Variants in AUTS2 observed in about 807,000 individuals in gnomAD.
AUTS2 encodes the protein activator of transcription and developmental regulator AUTS2.
In AUTS2, 17 loss-of-function variants were observed where a neutral mutation model predicts 112.4. That is an observed-to-expected ratio of 0.15 (90% confidence interval 0.10 to 0.23). The LOEUF is 0.23. AUTS2 is among the 10% of genes least tolerant of loss of function. The probability of loss-of-function intolerance (pLI) is 1.00; values close to 1 mark genes in which losing one functional copy is unlikely to be tolerated. For synonymous variants in AUTS2, 751 were observed against 702.7 expected (o/e 1.07, Z -1.09); for missense variants, 1,510 against 1,701.6 (o/e 0.89, Z 1.98).
chr7:69,855,172 G>A (rs527872313), intron 1 of AUTS2, among the ~76,000 whole-genome samples: 26 of 152,316 alleles, frequency 1.7e-4, no homozygotes, highest in Admixed American at 2.0e-4. Flanking sequence ...CACAATGTAC[G>A]TGATGGACCT....
At chr7:70,491,921 G>C (rs1798264662) in intron 5 of AUTS2, among the ~76,000 whole-genome samples, 1 of 152,060 alleles carries the variant, frequency 6.6e-6, no homozygotes, top group Non-Finnish European at 1.5e-5. Flanking sequence ...GGCCAAATGA[G>C]TTAGTATATT....
intron 4 of AUTS2, among the ~76,000 whole-genome samples, chr7:70,152,247 G>A (rs977519206): frequency 7.2e-5 from 11 of 152,082 alleles, no homozygotes; most frequent in Admixed American, 7.2e-4. Context: ...AGAGGAGGGT[G>A]AGAGGACAAA....
chr7:69,905,717 A>G (rs554852716), intron 2 of AUTS2, among the ~76,000 whole-genome samples: 1 of 152,108 alleles, frequency 6.6e-6, no homozygotes, highest in Non-Finnish European at 1.5e-5. Context: ...ACCCTCACAA[A>G]CACACCCAAA....
chr7:70,588,792 G>A (rs1385351406), intron 5 of AUTS2, among the ~76,000 whole-genome samples: 7 of 152,022 alleles, frequency 4.6e-5, no homozygotes, highest in Admixed American at 4.6e-4. Context: ...AAATAGTGCT[G>A]TACAGATCAT....
intron 6 of AUTS2, among the ~76,000 whole-genome samples, chr7:70,741,519 C>T (rs1788106628): frequency 6.6e-6 from 1 of 151,822 alleles, no homozygotes; most frequent in Admixed American, 6.6e-5. Context: ...TGGAGAAACC[C>T]CATCTCTACT....
chr7:70,093,453 A>G (rs1193726647), intron 2 of AUTS2, among the ~76,000 whole-genome samples: 1 of 152,254 alleles, frequency 6.6e-6, no homozygotes, highest in East Asian at 1.9e-4. Flanking sequence ...AACAAGATGG[A>G]TGATTCACTT....
At chr7:69,730,152 CTT>C (rs1203882134) in intron 1 of AUTS2, among the ~76,000 whole-genome samples, 3 of 151,052 alleles carry the variant, frequency 2.0e-5, no homozygotes, top group Non-Finnish European at 3.0e-5. Flanking sequence ...ATATGTAACT[CTT>C]TGTGATATTT....
At chr7:70,133,190 C>A (rs1372713512) in intron 3 of AUTS2, among the ~76,000 whole-genome samples, 1 of 152,172 alleles carries the variant, frequency 6.6e-6, no homozygotes, top group Non-Finnish European at 1.5e-5. Context: ...GCTTTGGGAG[C>A]TGCATTTAGG....
chr7:70,039,954 A>T (rs1027090728), intron 2 of AUTS2, among the ~76,000 whole-genome samples: 3 of 152,310 alleles, frequency 2.0e-5, no homozygotes, highest in Non-Finnish European at 4.4e-5. Context: ...AGTAGAACCT[A>T]TTTAAATTTA....
At chr7:69,843,682 A>G (rs1054984769) in intron 1 of AUTS2, among the ~76,000 whole-genome samples, 1 of 152,210 alleles carries the variant, frequency 6.6e-6, no homozygotes, top group Non-Finnish European at 1.5e-5. Context: ...AGATTTCCTC[A>G]GAGGCTAGTT....
At chr7:70,636,492 C>T (rs1585414732) in intron 5 of AUTS2, among the ~76,000 whole-genome samples, 1 of 152,116 alleles carries the variant, frequency 6.6e-6, no homozygotes, top group African/African-American at 2.4e-5. Context: ...AGGAGACCTG[C>T]GTTCAAGTCC....
chr7:69,607,730 G>A (rs1240899432), intron 1 of AUTS2, among the ~76,000 whole-genome samples: 2 of 152,118 alleles, frequency 1.3e-5, no homozygotes, highest in African/African-American at 2.4e-5. Flanking sequence ...TGGAGCCCTG[G>A]AAAACCCATG....
At chr7:70,280,093 A>G in intron 4 of AUTS2, among the ~76,000 whole-genome samples, 1 of 152,092 alleles carries the variant, frequency 6.6e-6, no homozygotes, top group East Asian at 1.9e-4. Context: ...CAATTAAATG[A>G]TGTAGTATGT....
chr7:70,742,039 G>A (rs1167612152), intron 6 of AUTS2, among the ~76,000 whole-genome samples: 1 of 152,200 alleles, frequency 6.6e-6, no homozygotes, highest in Admixed American at 6.5e-5. Context: ...ATTCACATTA[G>A]AATAAACTCA....
intron 11 of AUTS2, among the ~76,000 whole-genome samples, chr7:70,773,297 G>A (rs951417099): frequency 6.6e-6 from 1 of 152,118 alleles, no homozygotes; most frequent in East Asian, 1.9e-4. Flanking sequence ...AGCTGGTGTC[G>A]TGTCCTGAAT....
chr7:70,745,774 G>A (rs1164647873), intron 6 of AUTS2, among the ~76,000 whole-genome samples: 2 of 152,070 alleles, frequency 1.3e-5, no homozygotes, highest in Admixed American at 6.6e-5. Flanking sequence ...ATTGTATATT[G>A]AAAATAGTTC....
chr7:69,978,377 T>A (rs896298392), intron 2 of AUTS2, among the ~76,000 whole-genome samples: 2 of 152,336 alleles, frequency 1.3e-5, no homozygotes, highest in Non-Finnish European at 1.5e-5. Context: ...TAATTCTGGT[T>A]TTATTGAAAA....
chr7:70,473,571 C>T (rs994091107), intron 5 of AUTS2, among the ~76,000 whole-genome samples: 3 of 152,182 alleles, frequency 2.0e-5, no homozygotes, highest in African/African-American at 7.2e-5. Context: ...ATGTCCAGGC[C>T]TCTCGTATCC....
At chr7:70,672,479 G>A (rs914903226) in intron 5 of AUTS2, among the ~76,000 whole-genome samples, 2 of 152,218 alleles carry the variant, frequency 1.3e-5, no homozygotes, top group Admixed American at 6.5e-5. Flanking sequence ...TCCTCGGCCA[G>A]AGACCTGCTA....
Sources: gnomAD v4.1 joint callset for allele counts (sites outside exome capture counted in the v4.1 genomes callset) on GRCh38, gnomAD v4.1.1 for gene constraint, MANE v1.5 for transcripts, NCBI Gene and HGNC (gene_info 2026-07-23, HGNC 2026-07-21) for gene names.